Variants in AFAP1L2 observed in about 807,000 individuals in gnomAD.
AFAP1L2 encodes the protein actin filament-associated protein 1-like 2.
In AFAP1L2, 46 loss-of-function variants were observed where a neutral mutation model predicts 99.3. The ratio of observed to expected loss-of-function variants is 0.46; its 90% CI spans 0.37 to 0.59. The LOEUF is 0.59. AFAP1L2 is among the 20% of genes least tolerant of loss of function. The pLI, the probability that AFAP1L2 is intolerant of heterozygous loss-of-function variation, is 0.00. For synonymous variants in AFAP1L2, 397 were observed against 419.1 expected, an observed-to-expected ratio of 0.95 and a Z score of 0.64; for missense variants, 959 against 1,034.9, an observed-to-expected ratio of 0.93 and a Z score of 1.01.
At chr10:114,364,929 C>T (rs2052989532) in intron 1 of AFAP1L2, among the ~76,000 whole-genome samples, 1 of 152,162 alleles carries the variant, frequency 6.6e-6, no homozygotes, top group African/African-American at 2.4e-5. Flanking sequence ...ATGTTCCAGA[C>T]CAAACCTTTC....
At chr10:114,306,133 G>A (rs2042327507) in intron 10 of AFAP1L2, among the ~76,000 whole-genome samples, 2 of 95,932 alleles carry the variant, frequency 2.1e-5, no homozygotes, top group Non-Finnish European at 4.3e-5. Flanking sequence ...AGGGATGCAG[G>A]TGCAGGAGGG....
At position 114,344,989 on chromosome 10, in the gene AFAP1L2, C is replaced by T. The variant is rs544285113; in HGVS notation, c.17-4258G>A. Reference sequence around the variant, plus strand: ...GCGTGCACCTGTAATCCCAGCTACCCGGGGGGCTGAGGCAGGAGAATCGCT... The same window carrying T: ...GCGTGCACCTGTAATCCCAGCTACCTGGGGGGCTGAGGCAGGAGAATCGCT... On this transcript the variant is annotated intron_variant, in intron 1 of 18. Coordinates refer to ENST00000304129, the MANE Select transcript of AFAP1L2 (RefSeq NM_001001936.3). Among the ~76,000 whole-genome samples the T allele has an allele frequency of 2.0e-3, 305 of 151,332 alleles. 2 individuals carry two copies. The highest frequency in any genetic ancestry group is 5.5e-3 in the African/African-American group (227 of 41,194).
chr10:114,300,815 T>A, intron 13 of AFAP1L2, 125 bp from the exon 14 acceptor site: 17 of 1,292,872 alleles, frequency 1.3e-5, no homozygotes, highest in Non-Finnish European at 1.6e-5. Context: ...TCTCCCTCCC[T>A]GCTGGGGGGG....
chr10:114,322,600 C>T (rs1404723801), intron 5 of AFAP1L2, among the ~76,000 whole-genome samples: 1 of 152,212 alleles, frequency 6.6e-6, no homozygotes, highest in Non-Finnish European at 1.5e-5. Flanking sequence ...TGCAGAAGCC[C>T]AGCTCCTGTT....
intron 1 of AFAP1L2, among the ~76,000 whole-genome samples, chr10:114,368,255 G>T (rs1043112696): frequency 1.3e-5 from 2 of 152,216 alleles, no homozygotes; most frequent in Non-Finnish European, 2.9e-5. Context: ...TAAACTCACA[G>T]AAGCAGAGAG....
At chr10:114,333,368 A>G in intron 2 of AFAP1L2, 73 bp from the exon 3 acceptor site, 1 of 1,214,438 alleles carries the variant, frequency 8.2e-7, no homozygotes, top group Non-Finnish European at 1.2e-6. Context: ...AAACCCTGTT[A>G]CTCCAGAGCT....
chr10:114,385,931 C>A (rs925258854), intron 1 of AFAP1L2, among the ~76,000 whole-genome samples: 13 of 152,066 alleles, frequency 8.5e-5, no homozygotes, highest in Admixed American at 6.5e-5. Context: ...TTCTCACCAC[C>A]CCCCGCCCCC....
chr10:114,375,369 A>G (rs1182794230), intron 1 of AFAP1L2, among the ~76,000 whole-genome samples: 1 of 152,222 alleles, frequency 6.6e-6, no homozygotes, highest in African/African-American at 2.4e-5. Context: ...CCAATTCTAG[A>G]GCAGGCCAAC....
In AFAP1L2 at chr10:114,373,949, G is replaced by A. The variant is rs114005067; in HGVS notation, c.16+30491C>T. On this transcript the variant is annotated intron_variant, in intron 1 of 18. Coordinates refer to ENST00000304129, the MANE Select transcript of AFAP1L2 (RefSeq NM_001001936.3). ...ACAGCGGACAGAAGATGCTGGTTGG[G>A]ATGCAGTGAAGTCCCAAGACCACCC... Among the ~76,000 whole-genome samples, 813 of 152,186 alleles carry A rather than the reference G, an allele frequency of 5.3e-3. 8 individuals are homozygous for A. Among genetic ancestry groups the A allele is most frequent in the African/African-American group, 0.019 (772 of 41,522 alleles).
At chr10:114,327,339 G>A (rs1444365439) in intron 4 of AFAP1L2, among the ~76,000 whole-genome samples, 1 of 150,696 alleles carries the variant, frequency 6.6e-6, no homozygotes, top group Non-Finnish European at 1.5e-5. Context: ...TTTTAATAGA[G>A]ACGTGGTTTT....
chr10:114,384,037 T>C (rs1274519383), intron 1 of AFAP1L2, among the ~76,000 whole-genome samples: 1 of 152,140 alleles, frequency 6.6e-6, no homozygotes, highest in Non-Finnish European at 1.5e-5. Flanking sequence ...GTCCATCCAA[T>C]GACAAAGGAT....
intron 1 of AFAP1L2, among the ~76,000 whole-genome samples, chr10:114,401,191 G>A (rs2058199894): frequency 6.6e-6 from 1 of 152,158 alleles, no homozygotes; most frequent in African/African-American, 2.4e-5. Flanking sequence ...CAATTACTGT[G>A]ATCTAAATTG....
chr10:114,371,747 C>A (rs935379170), intron 1 of AFAP1L2, among the ~76,000 whole-genome samples: 1 of 151,132 alleles, frequency 6.6e-6, no homozygotes, highest in Non-Finnish European at 1.5e-5. Flanking sequence ...CACCATGGCA[C>A]GTGTATACCT....
At chr10:114,373,650 AAAC>A (rs1245569473) in intron 1 of AFAP1L2, among the ~76,000 whole-genome samples, 5 of 151,824 alleles carry the variant, frequency 3.3e-5, no homozygotes, top group Non-Finnish European at 7.4e-5. Flanking sequence ...CGACAAAAAA[AAAC>A]AACAACAAAA....
chr10:114,349,518 A>G (rs985070269), intron 1 of AFAP1L2, among the ~76,000 whole-genome samples: 1 of 150,196 alleles, frequency 6.7e-6, no homozygotes, highest in Admixed American at 6.7e-5. Flanking sequence ...AGGAGTTCAA[A>G]TCCAGCCTGG....
chr10:114,332,539 G>C (rs1161274304), intron 3 of AFAP1L2, among the ~76,000 whole-genome samples: 1 of 152,224 alleles, frequency 6.6e-6, no homozygotes, highest in South Asian at 2.1e-4. Flanking sequence ...GCTTTGCCAT[G>C]CTGTGTTCCC....
At chr10:114,289,001 A>C in the AFAP1L2 span, 23 of 1,614,022 alleles carry the variant, frequency 1.4e-5, no homozygotes, top group African/African-American at 1.7e-4. Context: ...GTAGGGCCCG[A>C]GAATTTTGCT....
At chr10:114,368,465 G>C (rs540072142) in intron 1 of AFAP1L2, among the ~76,000 whole-genome samples, 1 of 152,122 alleles carries the variant, frequency 6.6e-6, no homozygotes, top group Non-Finnish European at 1.5e-5. Flanking sequence ...CATCACCCAG[G>C]CTGGAATGCA....
intron 1 of AFAP1L2, among the ~76,000 whole-genome samples, chr10:114,380,044 A>AGAAGAGAATATAGC (rs2055398851): frequency 6.6e-6 from 1 of 152,192 alleles, no homozygotes; most frequent in Non-Finnish European, 1.5e-5. Flanking sequence ...ACACAGTCTG[A>AGAAGAGAATATAGC]GAAGAGAATA....
Sources: allele counts gnomAD v4.1 joint callset (sites outside exome capture counted in the v4.1 genomes callset), GRCh38; gene constraint gnomAD v4.1.1; transcripts MANE v1.5; gene names NCBI Gene and HGNC (gene_info 2026-07-23, HGNC 2026-07-21).